MALRD1: variants seen among roughly 807,000 people sequenced by gnomAD.
MALRD1 encodes the protein MAM and LDL-receptor class A domain-containing protein 1.
MALRD1 carries 247 observed loss-of-function variants against 242.1 expected under a neutral mutation model. The ratio of observed to expected loss-of-function variants is 1.02; its 90% CI spans 0.92 to 1.13. MALRD1 has a LOEUF of 1.13. Among genes scored for constraint, MALRD1 ranks in the 50% most tolerant of loss-of-function variants. The pLI, the probability that MALRD1 is intolerant of heterozygous loss-of-function variation, is 0.00. For synonymous variants in MALRD1, 995 were observed against 866.6 expected (o/e 1.15, Z -2.60); for missense variants, 2,989 against 2,533.1 (o/e 1.18, Z -3.86).
At chr10:19,347,655 A>G (rs1291374106) in intron 24 of MALRD1, 116 bp from the exon 25 acceptor site, 1 of 1,211,356 alleles carries the variant, frequency 8.3e-7, no homozygotes, top group Non-Finnish European at 1.1e-6. Context: ...TCAGGATAGC[A>G]TTATGAAGGT....
intron 13 of MALRD1, 49 bp from the exon 14 acceptor site, chr10:19,175,159 A>G (rs1336502327): frequency 2.8e-5 from 33 of 1,185,060 alleles, no homozygotes; most frequent in Non-Finnish European, 3.5e-5. Context: ...ATTGTAAGAC[A>G]TTACTTTTGT....
intron 18 of MALRD1, among the ~76,000 whole-genome samples, chr10:19,229,668 A>G (rs971614625): frequency 1.4e-4 from 21 of 152,062 alleles, no homozygotes; most frequent in African/African-American, 4.6e-4. Context: ...TTGTCCTCCC[A>G]TGATGAAAAA....
chr10:19,221,126 A>C (rs1210111132), intron 18 of MALRD1, among the ~76,000 whole-genome samples: 4 of 152,074 alleles, frequency 2.6e-5, no homozygotes, highest in Non-Finnish European at 5.9e-5. Flanking sequence ...TTTTTTAAAA[A>C]ATGTTGTTTA....
intron 29 of MALRD1, among the ~76,000 whole-genome samples, chr10:19,468,250 T>A (rs1449753153): frequency 6.6e-6 from 1 of 152,210 alleles, no homozygotes; most frequent in Non-Finnish European, 1.5e-5. Context: ...ATTATCCTGA[T>A]TATCACAGAC....
At chr10:19,697,862 A>G (rs1020796962) in intron 38 of MALRD1, among the ~76,000 whole-genome samples, 6 of 151,576 alleles carry the variant, frequency 4.0e-5, no homozygotes, top group African/African-American at 9.7e-5. Flanking sequence ...CTTAACCTCA[A>G]TTTTTCTTCT....
chr10:19,452,285 G>T (rs1439323684), intron 29 of MALRD1, among the ~76,000 whole-genome samples: 2 of 152,164 alleles, frequency 1.3e-5, no homozygotes, highest in Non-Finnish European at 2.9e-5. Flanking sequence ...TCATGTAGAA[G>T]TCTGCACTCT....
rs537803113 is a variant in MALRD1, at chr10:19,336,987, C to G, written c.3901+5405C>G. On this transcript the variant is annotated intron_variant, in intron 24 of 39. Coordinates refer to ENST00000454679, the MANE Select transcript of MALRD1 (RefSeq NM_001142308.3). ...TCATTAAATGAAACAGAAAAAATAT[C>G]CTGTTCTTCTTGAGCATGTACTTCT... Among the ~76,000 whole-genome samples the G allele has an allele frequency of 2.0e-4, 31 of 152,026 alleles. 1 individual carries two copies. The South Asian group carries it at 6.0e-3, about 30-fold the overall frequency.
chr10:19,334,119 G>GTTTTTTTTTTTT (rs56931838), intron 24 of MALRD1, among the ~76,000 whole-genome samples: 7 of 66,790 alleles, frequency 1.0e-4, no homozygotes, highest in African/African-American at 1.8e-4. Flanking sequence ...CTGTTGGTAG[G>GTTTTTTTTTTTT]TTTTTTTTTT....
At chr10:19,300,347 C>A (rs185991351) in intron 21 of MALRD1, among the ~76,000 whole-genome samples, 19 of 151,928 alleles carry the variant, frequency 1.3e-4, no homozygotes, top group Non-Finnish European at 5.9e-5. Context: ...ACATTTTTCA[C>A]AGAATTCAAA....
rs187504028 is a variant in MALRD1, at chr10:19,577,535, T to G, written c.5680+9832T>G. On this transcript the variant is annotated intron_variant, in intron 33 of 39. Transcript: ENST00000454679. ...GATCATCAGGCTGGAAGGAATTTTGTTGAATTAGGAGGAGGAACTCCAAAT... is the reference window on the plus strand; with the variant it reads ...GATCATCAGGCTGGAAGGAATTTTGGTGAATTAGGAGGAGGAACTCCAAAT... 4.1e-4 allele frequency among the ~76,000 whole-genome samples: 63 copies of G among 152,246 alleles called. No individual in the cohort carries two copies. The East Asian group carries it at 0.01, about 24-fold the overall frequency.
intron 12 of MALRD1, among the ~76,000 whole-genome samples, chr10:19,157,198 T>G (rs1834189059): frequency 6.6e-6 from 1 of 152,074 alleles, no homozygotes. Flanking sequence ...GTTCTCAGGA[T>G]TTTTCTAAGA....
At chr10:19,253,314 ATTAGCAATTGAG>A (rs1218566655) in intron 18 of MALRD1, among the ~76,000 whole-genome samples, 1 of 152,044 alleles carries the variant, frequency 6.6e-6, no homozygotes, top group Non-Finnish European at 1.5e-5. Context: ...CACACATTAA[ATTAGCAATTGAG>A]AAAAAGACAT....
chr10:19,279,690 T>C (rs1480462335), intron 19 of MALRD1, among the ~76,000 whole-genome samples: 1 of 152,232 alleles, frequency 6.6e-6, no homozygotes, highest in Non-Finnish European at 1.5e-5. Flanking sequence ...ACCTAGTAAA[T>C]TAGAAAGTTA....
intron 2 of MALRD1, among the ~76,000 whole-genome samples, chr10:19,076,739 T>G (rs1835331985): frequency 6.6e-6 from 1 of 152,004 alleles, no homozygotes; most frequent in African/African-American, 2.4e-5. Context: ...GTCTTATAAT[T>G]TTGTTATTTT....
At chr10:19,387,434 A>G (rs1340343720) in intron 26 of MALRD1, 94 bp from the exon 27 acceptor site, 5 of 1,391,786 alleles carry the variant, frequency 3.6e-6, no homozygotes, top group East Asian at 2.5e-5. Context: ...ATGTTCCTTT[A>G]TAGATTAAAA....
At chr10:19,157,599 C>T (rs930870360) in intron 12 of MALRD1, among the ~76,000 whole-genome samples, 7 of 152,072 alleles carry the variant, frequency 4.6e-5, no homozygotes, top group Admixed American at 1.3e-4. Flanking sequence ...GAATTCTTAC[C>T]TTCTTGGGTA....
At chr10:19,292,681 A>T (rs1016543559) in intron 21 of MALRD1, among the ~76,000 whole-genome samples, 2 of 152,048 alleles carry the variant, frequency 1.3e-5, no homozygotes, top group African/African-American at 2.4e-5. Context: ...TCACGAGGTC[A>T]GGAGATCGAG....
In MALRD1 at chr10:19,097,940, G is replaced by A. The variant is rs539798448; in HGVS notation, c.598-6039G>A. Among the ~76,000 whole-genome samples the A allele has an allele frequency of 1.5e-3, 233 of 152,134 alleles. 1 individual carries two copies. Among genetic ancestry groups the A allele is most frequent in the African/African-American group, 5.3e-3 (220 of 41,490 alleles). ...TGTGTATAAACATGTATTGTACCTA[G>A]GGTGGACGCGTTCCTCCTCTTACTT... On this transcript the variant is annotated intron_variant, in intron 4 of 39. Transcript: ENST00000454679.
intron 11 of MALRD1, among the ~76,000 whole-genome samples, chr10:19,148,788 AATATATATATAT>A (rs767384867): frequency 1.1e-5 from 1 of 88,016 alleles, no homozygotes; most frequent in African/African-American, 4.1e-5. Flanking sequence ...AAAAAAAAAA[AATATATATATAT>A]ATATATATAT....
Sources: gnomAD v4.1 joint callset for allele counts (sites outside exome capture counted in the v4.1 genomes callset) on GRCh38, gnomAD v4.1.1 for gene constraint, MANE v1.5 for transcripts, NCBI Gene and HGNC (gene_info 2026-07-23, HGNC 2026-07-21) for gene names.